The following TIE1 variants were observed in gnomAD, a reference collection of about 807,000 sequenced individuals.
The protein encoded by TIE1 is tyrosine kinase with immunoglobulin like and EGF like domains 1.
Under a neutral mutation model 130.5 loss-of-function variants are expected in TIE1, and 89 were observed. The observed-to-expected ratio is 0.68, with a 90% CI of 0.57 to 0.81. The LOEUF (loss-of-function observed/expected upper bound fraction) is 0.81. Ranked by LOEUF, TIE1 falls within the 40% of genes least tolerant of loss-of-function variation. The pLI is 0.00. For missense variants in TIE1, 1,392 were observed against 1,559.8 expected (o/e 0.89, Z 1.81); for synonymous variants, 568 against 629.4 (o/e 0.90, Z 1.46).
At chr1:43,321,885 C>T (rs773460904) in intron 22 of TIE1, among the ~76,000 whole-genome samples, 170 bp downstream of exon 22, 2 of 152,200 alleles carry the variant, frequency 1.3e-5, no homozygotes, top group African/African-American at 4.8e-5. Flanking sequence ...CTTTCCAGCC[C>T]TCACTGGTTT....
Position 43,313,195 on chromosome 1 carries a change from C to T in TIE1, c.1988C>T (p.Thr663Ile), listed in dbSNP as rs199565595. The part of the protein sequence containing the change: ...QALSDSEIQL[T>I]WKHPEALPGP... ...CTCTCAGACTCCGAGATCCAGCTGA[C>T]ATGGAAGCACCCGGAGGCTCTGCCT... Residue 663 changes from threonine to isoleucine, a missense_variant, in exon 13 of 23, where the codon ACA becomes ATA. Transcript: ENST00000372476. This position sits in a 1 kb window ranked among gnomAD's most constrained non-coding sequence, Gnocchi z 6.2. 4.9e-4 allele frequency: 787 copies of T among 1,613,704 alleles called. 1 individual carries two copies. The highest frequency in any genetic ancestry group is 6.3e-4 in the Non-Finnish European group (739 of 1,179,892).
At chr1:43,301,183 C>T (rs1473677250) in intron 1 of TIE1, 54 bp downstream of exon 1, 3 of 1,581,568 alleles carry the variant, frequency 1.9e-6, no homozygotes, top group African/African-American at 1.4e-5. Flanking sequence ...GCCCTGATTT[C>T]TACCCAAGAA....
At position 43,306,696 on chromosome 1, in the gene TIE1, G is replaced by A. The variant is rs927331541; in HGVS notation, c.485-144G>A. 120 of 1,053,984 alleles carry A rather than the reference G, an allele frequency of 1.1e-4. 1 individual carries two copies. The Admixed American group carries it at 1.4e-3, about 12-fold the overall frequency. The allele number at this position is 1,053,984 out of a possible 1,614,324, so 65.3% of individuals were successfully genotyped here. A position where few individuals can be genotyped will look rare whatever the true frequency, so the allele number is the denominator to read the frequency against. Reference sequence around the variant, plus strand: ...AGAGGGCACTTCTGAGCTTTCTGGCGTGGGCATAGGCTCTCGTGGTGCCGG... The same window carrying A: ...AGAGGGCACTTCTGAGCTTTCTGGCATGGGCATAGGCTCTCGTGGTGCCGG... On this transcript the variant is annotated intron_variant, in intron 3 of 22. Transcript: ENST00000372476. This position sits in a 1 kb window ranked among gnomAD's most constrained non-coding sequence, Gnocchi z 4.9.
intron 9 of TIE1, among the ~76,000 whole-genome samples, chr1:43,310,936 T>C (rs1045161457): frequency 1.3e-5 from 2 of 152,126 alleles, no homozygotes; most frequent in African/African-American, 4.8e-5. Context: ...GCCAATCTGG[T>C]AAACATTTGT....
chr1:43,307,037 T>C lies in TIE1; in HGVS notation c.640+42T>C. ...AGAGGTTGTGGGTAGGGTGGGAGGCTGGGAGCCCTATGGGTACTTCCTGTG... is the reference window on the plus strand; with the variant it reads ...AGAGGTTGTGGGTAGGGTGGGAGGCCGGGAGCCCTATGGGTACTTCCTGTG... On this transcript the variant is annotated intron_variant, in intron 4 of 22. Coordinates refer to ENST00000372476, the MANE Select transcript of TIE1 (RefSeq NM_005424.5). This position sits in a 1 kb window ranked among gnomAD's most constrained non-coding sequence, Gnocchi z 5.4. 6.2e-7 allele frequency: 1 copy of C among 1,613,214 alleles called. No individual in the cohort carries two copies. Among genetic ancestry groups the C allele is most frequent in the Non-Finnish European group, 8.5e-7 (1 of 1,179,786 alleles).
chr1:43,313,564 A>G lies in TIE1; in HGVS notation c.2218+139A>G. On this transcript the variant is annotated intron_variant, in intron 13 of 22. Transcript: ENST00000372476. The surrounding 1 kb of genome is among the most constrained non-coding windows in gnomAD (Gnocchi z 6.2). ...CAAAGAGTCAGCCCCAGTCCTGGGGACTCAGCCTTCCATTCTCATGATCCA... is the reference window on the plus strand; with the variant it reads ...CAAAGAGTCAGCCCCAGTCCTGGGGGCTCAGCCTTCCATTCTCATGATCCA... 8.4e-7 allele frequency: 1 copy of G among 1,189,200 alleles called. No homozygotes were observed. The highest frequency in any genetic ancestry group is 1.2e-6 in the Non-Finnish European group (1 of 859,386). 73.7% of individuals were successfully genotyped at this position (1,189,200 alleles called of 1,614,324 possible). A position where few individuals can be genotyped will look rare whatever the true frequency, so the allele number is the denominator to read the frequency against.
At position 43,305,071 on chromosome 1, in the gene TIE1, C is replaced by T; in HGVS notation, c.279C>T (p.Phe93=). The T allele has an allele frequency of 6.2e-7, 1 of 1,611,356 alleles. No homozygotes were observed. The highest frequency in any genetic ancestry group is 2.2e-5 in the East Asian group (1 of 44,812). Residue 93 remains phenylalanine, a synonymous_variant, in exon 2 of 23, where the codon TTC becomes TTT. Coordinates refer to ENST00000372476, the MANE Select transcript of TIE1 (RefSeq NM_005424.5). ...NGSHQVTLRG[F]SKPSDLVGVF... is the part of the protein sequence containing the mutation. ...CGCACCAGGTCACGCTTCGCGGCTT[C>T]TCCAAGCCCTCGGACCTCGTGGGCG...
Position 43,305,047 on chromosome 1 carries a change from G to A in TIE1, c.255G>A (p.Ser85=), listed in dbSNP as rs762895327. 8 of 1,602,462 alleles carry A rather than the reference G, an allele frequency of 5.0e-6. No individual in the cohort carries two copies. In the Admixed American group the frequency reaches 6.8e-5, roughly 14 times the overall value. ...GPPLRLARNG[S]HQVTLRGFSK... ...CCCTGCGCCTGGCGCGCAACGGTTC[G>A]CACCAGGTCACGCTTCGCGGCTTCT... Residue 85 remains serine, a synonymous_variant, in exon 2 of 23, where the codon TCG becomes TCA. Coordinates refer to ENST00000372476, the MANE Select transcript of TIE1 (RefSeq NM_005424.5).
In TIE1 at chr1:43,315,967, G is replaced by A. The variant is rs375693729; in HGVS notation, c.2410-1232G>A. On this transcript the variant is annotated intron_variant, in intron 14 of 22. Coordinates refer to ENST00000372476, the MANE Select transcript of TIE1 (RefSeq NM_005424.5). This position sits in a 1 kb window ranked among gnomAD's most constrained non-coding sequence, Gnocchi z 4.4. ...CCAACTACTCGGGAGGCTGAGGTGG[G>A]AGGATTGCCTGTGCCCAAAAGCTCG... 9.9e-5 allele frequency among the ~76,000 whole-genome samples: 15 copies of A among 152,230 alleles called. No homozygotes were observed. The highest frequency in any genetic ancestry group is 3.6e-4 in the African/African-American group (15 of 41,448).
In TIE1 at chr1:43,309,286, C is replaced by CT; in HGVS notation, c.1189-102_1189-101insT. Reference sequence around the variant, plus strand: ...GTCAGGCTGATTGGTGAGGGGGCTGCCACTGGGCCTCTGTCCTGCCATCAG... The same window carrying CT: ...GTCAGGCTGATTGGTGAGGGGGCTGCTCACTGGGCCTCTGTCCTGCCATCAG... On this transcript the variant is annotated intron_variant, in intron 8 of 22. Coordinates refer to ENST00000372476, the MANE Select transcript of TIE1 (RefSeq NM_005424.5). The surrounding 1 kb of genome is among the most constrained non-coding windows in gnomAD (Gnocchi z 6.3). 2 of 1,515,422 alleles carry CT rather than the reference C, an allele frequency of 1.3e-6. No homozygotes were observed. Among genetic ancestry groups the CT allele is most frequent in the Admixed American group, 2.2e-5 (1 of 44,942 alleles). The allele number at this position is 1,515,422 out of a possible 1,614,324, so 93.9% of individuals were successfully genotyped here. A position where few individuals can be genotyped will look rare whatever the true frequency, so the allele number is the denominator to read the frequency against.
chr1:43,309,483 G>T lies in TIE1; in HGVS notation c.1284G>T (p.Val428=), dbSNP rs762880258. ...ACAGTGGGTTCTGGGAGTGCCGTGT[G>T]TCCACATCTGGCGGCCAAGACAGCC... ...LADSGFWECR[V]STSGGQDSRR... Residue 428 remains valine, a synonymous_variant, in exon 9 of 23, where the codon GTG becomes GTT. Transcript: ENST00000372476. The surrounding 1 kb of genome is among the most constrained non-coding windows in gnomAD (Gnocchi z 6.3). The T allele has an allele frequency of 1.2e-6, 2 of 1,609,012 alleles. No individual in the cohort carries two copies. The highest frequency in any genetic ancestry group is 1.1e-5 in the South Asian group (1 of 90,312).
chr1:43,321,758 T>C, intron 22 of TIE1, 43 bp downstream of exon 22: 1 of 1,528,190 alleles, frequency 6.5e-7, no homozygotes, highest in Non-Finnish European at 8.9e-7. Flanking sequence ...GCTCACAGAG[T>C]GCTCCAGAGT....
At position 43,313,577 on chromosome 1, in the gene TIE1, T is replaced by C. The variant is rs1355142431; in HGVS notation, c.2218+152T>C. The C allele has an allele frequency of 2.0e-5, 22 of 1,121,922 alleles. No individual in the cohort carries two copies. The highest frequency in any genetic ancestry group is 2.5e-5 in the Non-Finnish European group (20 of 802,118). The allele number at this position is 1,121,922 out of a possible 1,614,324, so 69.5% of individuals were successfully genotyped here. On this transcript the variant is annotated intron_variant, in intron 13 of 22. Coordinates refer to ENST00000372476, the MANE Select transcript of TIE1 (RefSeq NM_005424.5). This position sits in a 1 kb window ranked among gnomAD's most constrained non-coding sequence, Gnocchi z 6.2. The stretch of plus-strand genomic sequence containing the variant: ...CCAGTCCTGGGGACTCAGCCTTCCA[T>C]TCTCATGATCCACTGTCCCAGGGCT...
Position 43,304,932 on chromosome 1 carries a change from A to G in TIE1, c.140A>G (p.Glu47Gly). Residue 47 changes from glutamate (E) to glycine (G), a missense_variant, in exon 2 of 23, where the codon GAG (glutamate) becomes GGG (glycine). Transcript: ENST00000372476. ...TTCTTCCTGACTTGCGTGTCTGGGG[A>G]GGCCGGGGCGGGGAGGGGCTCGGAC... ...QRFFLTCVSGEAGAGRGSDAW... is the reference protein window; with the variant it reads ...QRFFLTCVSGGAGAGRGSDAW... 3 of 1,443,640 alleles carry G rather than the reference A, an allele frequency of 2.1e-6. No individual in the cohort carries two copies. Among genetic ancestry groups the G allele is most frequent in the Non-Finnish European group, 9.1e-7 (1 of 1,103,040 alleles). The allele number at this position is 1,443,640 out of a possible 1,614,324, so 89.4% of individuals were successfully genotyped here. A position where few individuals can be genotyped will look rare whatever the true frequency, so the allele number is the denominator to read the frequency against.
rs1646813107 is a variant in TIE1 at position 43,312,801 on chromosome 1, A to G, written c.1927+200A>G. Among the ~76,000 whole-genome samples, 3 of 149,856 alleles carry G rather than the reference A, an allele frequency of 2.0e-5. No individual in the cohort carries two copies. Among genetic ancestry groups the G allele is most frequent in the African/African-American group, 7.6e-5 (3 of 39,270 alleles). On this transcript the variant is annotated intron_variant, in intron 12 of 22. Transcript: ENST00000372476. The surrounding 1 kb of genome is among the most constrained non-coding windows in gnomAD (Gnocchi z 5.6). ...GATCCAGGGTACCAGGAGGACACAG[A>G]TCACCAGGAGCATGTGGGGAGAGCA...
Position 43,317,526 on chromosome 1 carries a change from G to A in TIE1, c.2621-38G>A, listed in dbSNP as rs370210060. The A allele has an allele frequency of 2.5e-5, 40 of 1,609,422 alleles. No homozygotes were observed. Among genetic ancestry groups the A allele is most frequent in the Non-Finnish European group, 3.2e-5 (38 of 1,176,106 alleles). ...AGCCCTTGCCAGCCCTTTCTCCAGAGTTATTTCTGGCAAAATAATATTGGA... is the reference window on the plus strand; with the variant it reads ...AGCCCTTGCCAGCCCTTTCTCCAGAATTATTTCTGGCAAAATAATATTGGA... On this transcript the variant is annotated intron_variant, in intron 15 of 22. Coordinates refer to ENST00000372476, the MANE Select transcript of TIE1 (RefSeq NM_005424.5). The surrounding 1 kb of genome is among the most constrained non-coding windows in gnomAD (Gnocchi z 5.1).
rs1315708707 is a variant in TIE1 at position 43,321,729 on chromosome 1, G to A, written c.3345+14G>A. The A allele has an allele frequency of 6.4e-7, 1 of 1,551,314 alleles. No individual in the cohort carries two copies. Among genetic ancestry groups the A allele is most frequent in the Non-Finnish European group, 8.7e-7 (1 of 1,146,804 alleles). The stretch of plus-strand genomic sequence containing the variant: ...GAAGCCAGGAAGGTGAGGAGACTGG[G>A]GCTGAGGTGGCGGGCTGGGCTCACA... On this transcript the variant is annotated intron_variant, in intron 22 of 22. Transcript: ENST00000372476.
In TIE1 at chr1:43,307,036, C is replaced by T. The variant is rs1256117527; in HGVS notation, c.640+41C>T. 1.2e-6 allele frequency: 2 copies of T among 1,613,180 alleles called. No individual in the cohort carries two copies. The highest frequency in any genetic ancestry group is 2.2e-5 in the South Asian group (2 of 91,050). The stretch of plus-strand genomic sequence containing the variant: ...CAGAGGTTGTGGGTAGGGTGGGAGG[C>T]TGGGAGCCCTATGGGTACTTCCTGT... On this transcript the variant is annotated intron_variant, in intron 4 of 22. Transcript: ENST00000372476. The surrounding 1 kb of genome is among the most constrained non-coding windows in gnomAD (Gnocchi z 5.4).
chr1:43,320,810 T>A (rs1299931413), intron 19 of TIE1: 1 of 152,040 alleles, frequency 6.6e-6, no homozygotes, highest in East Asian at 1.9e-4. Context: ...AGCCGAGATC[T>A]CGCCACTGCA....
Sources: gnomAD v4.1 joint callset for allele counts (sites outside exome capture counted in the v4.1 genomes callset) on GRCh38, gnomAD v4.1.1 for gene constraint, Gnocchi (gnomAD v3.1) non-coding constraint, MANE v1.5 for transcripts, NCBI Gene and HGNC (gene_info 2026-07-23, HGNC 2026-07-21) for gene names.